The following TRMT9B variants were observed in gnomAD, a reference collection of about 807,000 sequenced individuals.
TRMT9B encodes tRNA methyltransferase 9B (putative), also known as probable tRNA methyltransferase 9B.
A neutral mutation model predicts 11.5 loss-of-function variants in TRMT9B; 16 were observed. That is an observed-to-expected ratio of 1.39 (90% confidence interval 0.94 to 2.11). TRMT9B has a LOEUF of 2.11. TRMT9B is among the 30% of genes most tolerant of loss of function. The pLI is 0.00. For synonymous variants in TRMT9B, 274 were observed against 192.4 expected, an observed-to-expected ratio of 1.42 and a Z score of -3.51; for missense variants, 941 against 553.8, an observed-to-expected ratio of 1.70 and a Z score of -7.02.
chr8:12,958,675 T>C (rs1003706405), intron 1 of TRMT9B: 3 of 152,514 alleles, frequency 2.0e-5, no homozygotes, highest in African/African-American at 7.2e-5. Flanking sequence ...ACAAAGTGAA[T>C]GATGGCCTTC....
intron 3 of TRMT9B, among the ~76,000 whole-genome samples, chr8:13,008,509 G>A (rs986500375): frequency 6.6e-6 from 1 of 152,154 alleles, no homozygotes. Context: ...CAAGGCTGTA[G>A]TATTGACGTT....
At chr8:12,949,996 G>T (rs908779108) in intron 1 of TRMT9B, among the ~76,000 whole-genome samples, 3 of 152,236 alleles carry the variant, frequency 2.0e-5, no homozygotes, top group Middle Eastern at 3.4e-3. Context: ...GGGATCATAG[G>T]CATGCACCAC....
chr8:13,012,802 C>T lies in TRMT9B; in HGVS notation c.273C>T (p.Asp91=), dbSNP rs1211099999. The change falls in exon 4 of 5, where the codon GAC becomes GAT. Residue 91 remains aspartate, a synonymous_variant. Transcript: ENST00000524591. ...GAGGATGTGAAGCCATGGTATGTGA[C>T]AACCTTAATCTCCCCTTTAGGGATG... ...RNRGCEAMVC[D]NLNLPFRDEG... 6.2e-7 allele frequency: 1 copy of T among 1,613,938 alleles called. No homozygotes were observed. Among genetic ancestry groups the T allele is most frequent in the Non-Finnish European group, 8.5e-7 (1 of 1,179,876 alleles).
intron 1 of TRMT9B, among the ~76,000 whole-genome samples, chr8:12,982,903 C>T (rs557127960): frequency 2.0e-5 from 3 of 152,302 alleles, no homozygotes; most frequent in South Asian, 2.1e-4. Flanking sequence ...CACTCCTCTT[C>T]GGATGCTATC....
chr8:12,978,012 G>C (rs1203007608), intron 1 of TRMT9B, among the ~76,000 whole-genome samples: 1 of 152,192 alleles, frequency 6.6e-6, no homozygotes, highest in Non-Finnish European at 1.5e-5. Context: ...CTGCATGACA[G>C]AGCGAGACCC....
chr8:13,007,373 G>C (rs1810676523), intron 3 of TRMT9B: 1 of 152,202 alleles, frequency 6.6e-6, no homozygotes, highest in South Asian at 2.1e-4. Flanking sequence ...CTAGGACTAA[G>C]ACTTAAAATG....
At chr8:12,995,002 T>C (rs1241490072) in intron 2 of TRMT9B, among the ~76,000 whole-genome samples, 1 of 152,200 alleles carries the variant, frequency 6.6e-6, no homozygotes. Context: ...TTTTCAAATC[T>C]TGCCTACGCT....
chr8:12,949,093 C>G (rs1322277722), intron 1 of TRMT9B, among the ~76,000 whole-genome samples: 1 of 152,176 alleles, frequency 6.6e-6, no homozygotes, highest in Non-Finnish European at 1.5e-5. Context: ...ATAGACTCTA[C>G]TTATTAATAA....
chr8:12,959,479 C>T (rs1233834911), intron 1 of TRMT9B, among the ~76,000 whole-genome samples: 1 of 51,558 alleles, frequency 1.9e-5, no homozygotes, highest in African/African-American at 5.4e-5. Flanking sequence ...TTTGTATTTT[C>T]CTCTCCTCTC....
intron 1 of TRMT9B, among the ~76,000 whole-genome samples, chr8:12,978,541 T>C (rs1034119905): frequency 6.6e-6 from 1 of 151,986 alleles, no homozygotes; most frequent in Middle Eastern, 3.4e-3. Flanking sequence ...GATAGATAGA[T>C]AGATAGATAG....
chr8:13,005,543 C>T (rs907879714), intron 2 of TRMT9B, among the ~76,000 whole-genome samples: 27 of 151,920 alleles, frequency 1.8e-4, no homozygotes, highest in South Asian at 4.2e-4. Context: ...TCATGTACTC[C>T]GTAAATATAT....
intron 3 of TRMT9B, chr8:13,007,480 T>G (rs1671416218): frequency 6.6e-6 from 1 of 152,182 alleles, no homozygotes; most frequent in African/African-American, 2.4e-5. Context: ...AGTTGCAAAG[T>G]GTGTCTAGTT....
intron 1 of TRMT9B, among the ~76,000 whole-genome samples, chr8:12,962,630 A>G (rs1269792692): frequency 6.6e-6 from 1 of 152,116 alleles, no homozygotes; most frequent in African/African-American, 2.4e-5. Flanking sequence ...AGCTGGGACT[A>G]CAGGTGTGTG....
chr8:12,970,678 G>T (rs558434725), intron 1 of TRMT9B, among the ~76,000 whole-genome samples: 2 of 152,304 alleles, frequency 1.3e-5, no homozygotes, highest in South Asian at 2.1e-4. Flanking sequence ...AAAATATCCA[G>T]CCAAGTTTAA....
chr8:12,997,776 T>C (rs1808629885), intron 2 of TRMT9B, among the ~76,000 whole-genome samples: 1 of 152,240 alleles, frequency 6.6e-6, no homozygotes, highest in Non-Finnish European at 1.5e-5. Flanking sequence ...AGAGTGGGGT[T>C]GCTGGGCCAT....
chr8:12,990,999 A>G lies in TRMT9B; in HGVS notation c.-34A>G, dbSNP rs750809767. The G allele has an allele frequency of 2.3e-6, 3 of 1,279,074 alleles. No homozygotes were observed. Among genetic ancestry groups the G allele is most frequent in the Non-Finnish European group, 3.1e-6 (3 of 982,730 alleles). The allele number at this position is 1,279,074 out of a possible 1,614,324, so 79.2% of individuals were successfully genotyped here. A position where few individuals can be genotyped will look rare whatever the true frequency, so the allele number is the denominator to read the frequency against. On this transcript the variant is annotated 5_prime_UTR_variant, in exon 2 of 5. Transcript: ENST00000524591. ...GACTGCCGTGATTCACAAAGACAAG[A>G]GGTAATTTTCCTGTAATCACAGGAT...
chr8:12,964,920 G>A (rs933079067), intron 1 of TRMT9B, among the ~76,000 whole-genome samples: 5 of 152,030 alleles, frequency 3.3e-5, no homozygotes, highest in African/African-American at 1.2e-4. Flanking sequence ...TTACACACAG[G>A]CTTATCTCTG....
At chr8:12,970,569 G>C (rs568358433) in intron 1 of TRMT9B, among the ~76,000 whole-genome samples, 1 of 152,224 alleles carries the variant, frequency 6.6e-6, no homozygotes, top group Admixed American at 6.5e-5. Context: ...GAGATGAGCC[G>C]GCTGTGCTGA....
intron 1 of TRMT9B, 114 bp from the exon 2 acceptor site, chr8:12,990,720 A>G (rs1807186807): frequency 4.8e-6 from 2 of 415,098 alleles, no homozygotes; most frequent in South Asian, 6.2e-5. Context: ...ATTCTTTCTA[A>G]TCCCTACTTG....
Sources: gnomAD v4.1 joint callset for allele counts (sites outside exome capture counted in the v4.1 genomes callset) on GRCh38, gnomAD v4.1.1 for gene constraint, MANE v1.5 for transcripts, NCBI Gene and HGNC (gene_info 2026-07-23, HGNC 2026-07-21) for gene names.